Variants in ACYP2 observed in about 807,000 individuals in gnomAD.
The protein encoded by ACYP2 is acylphosphatase-2.
A neutral mutation model predicts 11.2 loss-of-function variants in ACYP2; 12 were observed. The ratio of observed to expected loss-of-function variants is 1.08; its 90% CI spans 0.69 to 1.74. The LOEUF is 1.74. ACYP2 is among the 40% of genes most tolerant of loss of function. The pLI, the probability that ACYP2 is intolerant of heterozygous loss-of-function variation, is 0.00. For synonymous variants in ACYP2, 43 were observed against 32.2 expected, an observed-to-expected ratio of 1.33 and a Z score of -1.13; for missense variants, 134 against 101.9, an observed-to-expected ratio of 1.31 and a Z score of -1.35.
chr2:54,131,183 C>T (rs1041097656), intron 4 of ACYP2, among the ~76,000 whole-genome samples: 1 of 152,162 alleles, frequency 6.6e-6, no homozygotes, highest in African/African-American at 2.4e-5. Flanking sequence ...TTAGATTTAC[C>T]TGAGTTACCT....
intron 6 of ACYP2, among the ~76,000 whole-genome samples, chr2:54,248,300 C>A (rs911895363): frequency 2.6e-5 from 4 of 152,068 alleles, no homozygotes; most frequent in Admixed American, 2.0e-4. Context: ...TTTTCATTAG[C>A]CAATTATTAT....
intron 2 of ACYP2, among the ~76,000 whole-genome samples, chr2:54,015,685 ACAC>A (rs1192006038): frequency 0.049 from 7,113 of 143,708 alleles, 262 homozygotes; most frequent in African/African-American, 0.1. Flanking sequence ...ACACACACAC[ACAC>A]GGCAGAATCT....
At chr2:54,114,619 G>A (rs1334336228) in intron 4 of ACYP2, among the ~76,000 whole-genome samples, 1 of 152,156 alleles carries the variant, frequency 6.6e-6, no homozygotes, top group African/African-American at 2.4e-5. Context: ...GGGAGGTGGA[G>A]GCTGCTGTGA....
intron 6 of ACYP2, among the ~76,000 whole-genome samples, chr2:54,233,363 G>C (rs779717282): frequency 6.9e-6 from 1 of 145,914 alleles, no homozygotes; most frequent in Non-Finnish European, 1.5e-5. Flanking sequence ...CTGGAGTGCA[G>C]TGGCTCACTG....
chr2:54,215,505 T>C (rs746156623), intron 6 of ACYP2, among the ~76,000 whole-genome samples: 7 of 152,200 alleles, frequency 4.6e-5, no homozygotes, highest in Non-Finnish European at 1.0e-4. Context: ...AAGTAATACA[T>C]GTTTACTTTT....
chr2:54,029,719 CCTTAA>C (rs1674481724), intron 2 of ACYP2: 3 of 583,774 alleles, frequency 5.1e-6, no homozygotes, highest in South Asian at 4.3e-5. Context: ...GGAATCTTGC[CCTTAA>C]CTTGTTTGTT....
At chr2:54,293,263 A>G (rs1689389422) in intron 6 of ACYP2, among the ~76,000 whole-genome samples, 1 of 152,186 alleles carries the variant, frequency 6.6e-6, no homozygotes, top group Non-Finnish European at 1.5e-5. Context: ...TGTTCCACCA[A>G]ATAAAACAGA....
At chr2:54,186,770 TC>T (rs1359740426) in intron 6 of ACYP2, among the ~76,000 whole-genome samples, 1 of 152,122 alleles carries the variant, frequency 6.6e-6, no homozygotes, top group Non-Finnish European at 1.5e-5. Flanking sequence ...TGCCTCAGCC[TC>T]CCCAAGTGTT....
intron 6 of ACYP2, among the ~76,000 whole-genome samples, chr2:54,144,147 T>A (rs1341401464): frequency 3.3e-5 from 5 of 151,978 alleles, no homozygotes; most frequent in East Asian, 3.9e-4. Flanking sequence ...TTTTTAAAAA[T>A]TTTTTTGTGG....
chr2:54,162,643 G>A (rs1226043522), intron 6 of ACYP2, among the ~76,000 whole-genome samples: 1 of 152,028 alleles, frequency 6.6e-6, no homozygotes, highest in Non-Finnish European at 1.5e-5. Flanking sequence ...TAAAAATCCT[G>A]TACTCACCGG....
chr2:54,199,164 G>A (rs1226127098), intron 6 of ACYP2, among the ~76,000 whole-genome samples: 1 of 152,146 alleles, frequency 6.6e-6, no homozygotes, highest in African/African-American at 2.4e-5. Context: ...CCCTGTGAAC[G>A]GTCCTTGCTC....
intron 2 of ACYP2, among the ~76,000 whole-genome samples, chr2:54,045,106 A>T (rs918023695): frequency 6.6e-6 from 1 of 152,232 alleles, no homozygotes; most frequent in African/African-American, 2.4e-5. Flanking sequence ...CAGGTCCTGC[A>T]TACCAATGAA....
At chr2:54,296,279 G>A (rs1689520953) in intron 6 of ACYP2, among the ~76,000 whole-genome samples, 1 of 152,200 alleles carries the variant, frequency 6.6e-6, no homozygotes, top group African/African-American at 2.4e-5. Flanking sequence ...TGGCCTCTCT[G>A]CTGGCTTCCA....
intron 6 of ACYP2, among the ~76,000 whole-genome samples, chr2:54,147,109 T>C (rs1016096064): frequency 4.6e-5 from 7 of 152,148 alleles, no homozygotes; most frequent in Non-Finnish European, 8.8e-5. Flanking sequence ...TTTTGCATTG[T>C]TTCTATTTCT....
At position 54,053,774 on chromosome 2, in the gene ACYP2, T is replaced by C. The variant is rs142916749; in HGVS notation, c.155+2724T>C. On this transcript the variant is annotated intron_variant, in intron 3 of 6. Coordinates refer to ENST00000607452, the MANE Select transcript of ACYP2 (RefSeq NM_001320586.2). ...ACAGCAGTGTTTAGAGCTTTCATTC[T>C]ATCTTTAGAGTCACTCTCCTATCTT... Among the ~76,000 whole-genome samples, 18 of 152,382 alleles carry C rather than the reference T, an allele frequency of 1.2e-4. No individual in the cohort carries two copies. In the East Asian group the frequency reaches 2.5e-3, roughly 21 times the overall value.
At chr2:54,276,628 C>CACACACACAA (rs1336183180) in intron 6 of ACYP2, among the ~76,000 whole-genome samples, 1 of 82,660 alleles carries the variant, frequency 1.2e-5, no homozygotes, top group African/African-American at 6.0e-5. Flanking sequence ...TTCACACACA[C>CACACACACAA]ACACACACAC....
chr2:54,185,833 T>G (rs1029425534), intron 6 of ACYP2, among the ~76,000 whole-genome samples: 1 of 152,160 alleles, frequency 6.6e-6, no homozygotes, highest in African/African-American at 2.4e-5. Flanking sequence ...GAGGGCCTAA[T>G]AAGCTGAAAG....
chr2:54,185,682 G>A (rs1683954210), intron 6 of ACYP2, among the ~76,000 whole-genome samples: 1 of 152,120 alleles, frequency 6.6e-6, no homozygotes, highest in African/African-American at 2.4e-5. Flanking sequence ...CATTTATTTG[G>A]TGAACAATGC....
At chr2:54,157,798 C>T (rs1259923996) in intron 6 of ACYP2, among the ~76,000 whole-genome samples, 1 of 152,088 alleles carries the variant, frequency 6.6e-6, no homozygotes, top group African/African-American at 2.4e-5. Context: ...AAAGGCTTTC[C>T]ATGGAGGTGA....
Sources: allele counts gnomAD v4.1 joint callset (sites outside exome capture counted in the v4.1 genomes callset), GRCh38; gene constraint gnomAD v4.1.1; transcripts MANE v1.5; gene names NCBI Gene and HGNC (gene_info 2026-07-23, HGNC 2026-07-21).